AGAP1: variants seen among roughly 807,000 people sequenced by gnomAD.
AGAP1 encodes arf-GAP with GTPase, ANK repeat and PH domain-containing protein 1.
Under a neutral mutation model 105.3 loss-of-function variants are expected in AGAP1, and 29 were observed. That is an observed-to-expected ratio of 0.28 (90% CI 0.21 to 0.38). The LOEUF (loss-of-function observed/expected upper bound fraction) is 0.38. Among genes scored for constraint, AGAP1 ranks in the 10% least tolerant of loss-of-function variants. The pLI, the probability that AGAP1 is intolerant of heterozygous loss-of-function variation, is 1.00. For missense variants in AGAP1, 998 were observed against 1,165.1 expected (o/e 0.86, Z 2.09); for synonymous variants, 509 against 485.9 (o/e 1.05, Z -0.63).
At chr2:235,920,081 T>G (rs1409617535) in intron 11 of AGAP1, among the ~76,000 whole-genome samples, 1 of 152,182 alleles carries the variant, frequency 6.6e-6, no homozygotes, top group East Asian at 1.9e-4. Context: ...TCTAGGATGT[T>G]GAATTCTGCT....
chr2:235,685,603 C>T (rs544978609), intron 1 of AGAP1, among the ~76,000 whole-genome samples: 16 of 151,856 alleles, frequency 1.1e-4, no homozygotes, highest in Non-Finnish European at 1.6e-4. Flanking sequence ...TCTGGACAGC[C>T]GAAGGCCCAT....
At position 235,535,582 on chromosome 2, in the gene AGAP1, G is replaced by A. The variant is rs532968292; in HGVS notation, c.163+40733G>A. Among the ~76,000 whole-genome samples, 41 of 151,954 alleles carry A rather than the reference G, an allele frequency of 2.7e-4. 1 individual carries two copies. Among genetic ancestry groups the A allele is most frequent in the African/African-American group, 8.9e-4 (37 of 41,480 alleles). On this transcript the variant is annotated intron_variant, in intron 1 of 17. Coordinates refer to ENST00000304032, the MANE Select transcript of AGAP1 (RefSeq NM_001037131.3). This position sits in a 1 kb window ranked among gnomAD's most constrained non-coding sequence, Gnocchi z 5.1. ...GCGGCAGGTAGCAAGGAACGGTGGCGGGGCCAAAGGTTTCCTCAAAGACCC... is the reference window on the plus strand; with the variant it reads ...GCGGCAGGTAGCAAGGAACGGTGGCAGGGCCAAAGGTTTCCTCAAAGACCC...
At position 236,047,598 on chromosome 2, in the gene AGAP1, C is replaced by CTTTTTT. The variant is rs59007077; in HGVS notation, c.1892-1444_1892-1439dup. ...GTCACAGACCTCTCTTCTCACATTT[C>CTTTTTT]TTTTTTTTTTTTTTTTTTTTTTGAG... On this transcript the variant is annotated intron_variant, in intron 15 of 17. Transcript: ENST00000304032. 1.0e-3 allele frequency among the ~76,000 whole-genome samples: 71 copies of CTTTTTT among 68,290 alleles called. 1 individual carries two copies. Among genetic ancestry groups the CTTTTTT allele is most frequent in the African/African-American group, 3.8e-3 (54 of 14,156 alleles). 44.8% of individuals were successfully genotyped at this position (68,290 alleles called of 152,430 possible). A position where few individuals can be genotyped will look rare whatever the true frequency, so the allele number is the denominator to read the frequency against.
At chr2:235,894,015 A>G (rs1415261912) in intron 10 of AGAP1, among the ~76,000 whole-genome samples, 1 of 152,140 alleles carries the variant, frequency 6.6e-6, no homozygotes, top group African/African-American at 2.4e-5. Context: ...TGGCATTATT[A>G]CAAATGCTGC....
chr2:235,643,817 A>G (rs1947283294), intron 1 of AGAP1, among the ~76,000 whole-genome samples: 1 of 152,136 alleles, frequency 6.6e-6, no homozygotes, highest in African/African-American at 2.4e-5. Context: ...TGGGGGGAAA[A>G]CAACCTACTT....
rs2054254049 is a variant in AGAP1 at position 235,963,014 on chromosome 2, G to A, written c.1484-5448G>A. Reference sequence around the variant, plus strand: ...CCCATGGGGCTAGAAGTGCTCGTGTGGAAGGACACAAAAGGAAAACGTGGA... The same window carrying A: ...CCCATGGGGCTAGAAGTGCTCGTGTAGAAGGACACAAAAGGAAAACGTGGA... On this transcript the variant is annotated intron_variant, in intron 12 of 17. Transcript: ENST00000304032. The surrounding 1 kb of genome is among the most constrained non-coding windows in gnomAD (Gnocchi z 5.1). Among the ~76,000 whole-genome samples, 2 of 152,136 alleles carry A rather than the reference G, an allele frequency of 1.3e-5. No homozygotes were observed. The highest frequency in any genetic ancestry group is 2.9e-5 in the Non-Finnish European group (2 of 68,036).
rs369074962 is a variant in AGAP1, at chr2:235,787,319, A to G, written c.674-10440A>G. 6.6e-6 allele frequency among the ~76,000 whole-genome samples: 1 copy of G among 152,314 alleles called. No individual in the cohort carries two copies. The highest frequency in any genetic ancestry group is 2.1e-4 in the South Asian group (1 of 4,822). ...ACACTTTCTAATGTTTCATTCATCT[A>G]TCTGAGTTTTTCCTGCTTTAAGTGC... On this transcript the variant is annotated intron_variant, in intron 6 of 17. Coordinates refer to ENST00000304032, the MANE Select transcript of AGAP1 (RefSeq NM_001037131.3). The surrounding 1 kb of genome is among the most constrained non-coding windows in gnomAD (Gnocchi z 4.4).
At chr2:235,996,375 A>G (rs1393242365) in intron 13 of AGAP1, among the ~76,000 whole-genome samples, 1 of 152,182 alleles carries the variant, frequency 6.6e-6, no homozygotes, top group African/African-American at 2.4e-5. Context: ...GGTGTCTTCT[A>G]ATTTTTTTAA....
At chr2:235,860,244 C>CTAG (rs762721276) in intron 9 of AGAP1, among the ~76,000 whole-genome samples, 20 of 152,296 alleles carry the variant, frequency 1.3e-4, no homozygotes, top group South Asian at 8.3e-4. Flanking sequence ...TCTGAGCATC[C>CTAG]TAGCACTCAA....
chr2:235,638,245 C>T (rs1947074477), intron 1 of AGAP1, among the ~76,000 whole-genome samples: 1 of 152,146 alleles, frequency 6.6e-6, no homozygotes. Context: ...CTGCTGTATC[C>T]TGGGCTATAA....
intron 16 of AGAP1, among the ~76,000 whole-genome samples, chr2:236,099,640 A>G (rs575124457): frequency 1.3e-5 from 2 of 152,142 alleles, no homozygotes; most frequent in South Asian, 2.1e-4. Context: ...ATGGTTTTTT[A>G]TTGTTTCTCA....
At chr2:235,941,879 C>T (rs981167808) in intron 12 of AGAP1, among the ~76,000 whole-genome samples, 4 of 151,850 alleles carry the variant, frequency 2.6e-5, no homozygotes, top group South Asian at 2.1e-4. Flanking sequence ...ACACTGAAGG[C>T]GAAGCACAGA....
intron 1 of AGAP1, among the ~76,000 whole-genome samples, chr2:235,636,525 C>T (rs932996102): frequency 2.0e-5 from 3 of 152,150 alleles, no homozygotes; most frequent in Admixed American, 6.5e-5. Context: ...ATCCAGAAAC[C>T]AAGTGTTGAT....
chr2:236,000,376 G>T lies in AGAP1; in HGVS notation c.1645+31753G>T, dbSNP rs556179866. ...TTTGCTTAAAGTCACACATTTCCAA[G>T]AACCTGTCAATGGCATTGAGGACTT... On this transcript the variant is annotated intron_variant, in intron 13 of 17. Coordinates refer to ENST00000304032, the MANE Select transcript of AGAP1 (RefSeq NM_001037131.3). This position sits in a 1 kb window ranked among gnomAD's most constrained non-coding sequence, Gnocchi z 4.3. Among the ~76,000 whole-genome samples the T allele has an allele frequency of 6.6e-6, 1 of 152,196 alleles. No homozygotes were observed. The highest frequency in any genetic ancestry group is 1.5e-5 in the Non-Finnish European group (1 of 68,040).
chr2:235,826,382 A>G (rs1393037938), intron 9 of AGAP1, among the ~76,000 whole-genome samples: 2 of 152,216 alleles, frequency 1.3e-5, no homozygotes, highest in Non-Finnish European at 2.9e-5. Context: ...ATGCATTTGC[A>G]GGTTCATTCT....
chr2:235,594,883 G>GTTTTTT (rs34386154), intron 1 of AGAP1, among the ~76,000 whole-genome samples: 59 of 109,896 alleles, frequency 5.4e-4, no homozygotes, highest in Non-Finnish European at 7.7e-4. Flanking sequence ...CCAGATTGCT[G>GTTTTTT]TTTTTTTTTT....
chr2:235,812,626 A>G (rs907367348), intron 9 of AGAP1, among the ~76,000 whole-genome samples: 2 of 152,336 alleles, frequency 1.3e-5, no homozygotes, highest in Admixed American at 1.3e-4. Flanking sequence ...TGCTGCTTTC[A>G]TGGAGGAAAC....
At position 235,799,559 on chromosome 2, in the gene AGAP1, T is replaced by C. The variant is rs762087448; in HGVS notation, c.957+37T>C. On this transcript the variant is annotated intron_variant, in intron 8 of 17. Transcript: ENST00000304032. The surrounding 1 kb of genome is among the most constrained non-coding windows in gnomAD (Gnocchi z 5.0). Reference sequence around the variant, plus strand: ...CCCTGGGTGGAGATTTGAATGCGATTCCGAAGCGTTCCCATTAACGTAAAC... The same window carrying C: ...CCCTGGGTGGAGATTTGAATGCGATCCCGAAGCGTTCCCATTAACGTAAAC... 2.5e-6 allele frequency: 4 copies of C among 1,604,664 alleles called. No individual in the cohort carries two copies. Among genetic ancestry groups the C allele is most frequent in the Non-Finnish European group, 3.4e-6 (4 of 1,172,826 alleles).
chr2:236,084,203 A>C (rs192102460), intron 16 of AGAP1, among the ~76,000 whole-genome samples: 1,580 of 149,438 alleles, frequency 0.011, 18 homozygotes, highest in African/African-American at 0.037. Flanking sequence ...GGTTCGCTTT[A>C]GTTGTGCCTT....
Sources: allele counts gnomAD v4.1 joint callset (sites outside exome capture counted in the v4.1 genomes callset), GRCh38; gene constraint gnomAD v4.1.1; non-coding constraint Gnocchi (gnomAD v3.1); transcripts MANE v1.5; gene names NCBI Gene and HGNC (gene_info 2026-07-23, HGNC 2026-07-21).